RBM20: variants seen among roughly 807,000 people sequenced by gnomAD.
RBM20 encodes the protein RNA-binding protein 20.
Under a neutral mutation model 110.1 loss-of-function variants are expected in RBM20, and 51 were observed. The observed-to-expected ratio is 0.46, with a 90% confidence interval of 0.37 to 0.59. The LOEUF (loss-of-function observed/expected upper bound fraction) is 0.59, where lower values mean the gene tolerates loss of function less well. Among genes scored for constraint, RBM20 ranks in the 20% least tolerant of loss-of-function variants. The pLI is 0.00. For missense variants in RBM20, 1,512 were observed against 1,574.9 expected, an observed-to-expected ratio of 0.96 and a Z score of 0.68; for synonymous variants, 589 against 618.2, an observed-to-expected ratio of 0.95 and a Z score of 0.70.
chr10:110,803,057 T>C (rs985469845), intron 7 of RBM20, among the ~76,000 whole-genome samples: 1 of 152,022 alleles, frequency 6.6e-6, no homozygotes, highest in Non-Finnish European at 1.5e-5. Context: ...ATAATAGCAG[T>C]AATTATAAGA....
chr10:110,711,329 CAAAAAAAAAAAA>C (rs1157753270), intron 1 of RBM20, among the ~76,000 whole-genome samples: 5 of 28,404 alleles, frequency 1.8e-4, no homozygotes, highest in South Asian at 4.1e-3. Context: ...GACTCCATCT[CAAAAAAAAAAAA>C]AAAAAAAAAA....
chr10:110,776,429 C>T (rs1234184529), intron 1 of RBM20, among the ~76,000 whole-genome samples: 11 of 152,214 alleles, frequency 7.2e-5, no homozygotes, highest in Non-Finnish European at 1.2e-4. Context: ...CACTGGACTA[C>T]GGTCAAGGTG....
chr10:110,822,362 G>A (rs1386589147), intron 11 of RBM20: 2 of 452,286 alleles, frequency 4.4e-6, no homozygotes, highest in African/African-American at 4.0e-5. Context: ...GAAGGGGAAG[G>A]AACAGAGGAT....
chr10:110,690,750 A>T (rs1862575578), intron 1 of RBM20, among the ~76,000 whole-genome samples: 1 of 152,242 alleles, frequency 6.6e-6, no homozygotes, highest in African/African-American at 2.4e-5. Context: ...AATAAAATAT[A>T]CTTTGTAAGT....
chr10:110,713,661 G>A (rs1157221785), intron 1 of RBM20, among the ~76,000 whole-genome samples: 1 of 152,192 alleles, frequency 6.6e-6, no homozygotes, highest in Non-Finnish European at 1.5e-5. Flanking sequence ...CTCAGCATTT[G>A]TACAGTGTTT....
intron 1 of RBM20, among the ~76,000 whole-genome samples, chr10:110,672,031 A>G (rs1240659925): frequency 6.7e-6 from 1 of 150,294 alleles, no homozygotes; most frequent in Non-Finnish European, 1.5e-5. Context: ...GGACAAACTT[A>G]GGGGGTATTT....
chr10:110,821,044 C>T (rs528296090), intron 10 of RBM20, among the ~76,000 whole-genome samples: 2 of 152,160 alleles, frequency 1.3e-5, no homozygotes, highest in African/African-American at 4.8e-5. Flanking sequence ...AAATTCTTTG[C>T]GTCACTTTAA....
chr10:110,817,489 T>C (rs1310298062), intron 9 of RBM20, among the ~76,000 whole-genome samples: 1 of 152,202 alleles, frequency 6.6e-6, no homozygotes, highest in East Asian at 1.9e-4. Flanking sequence ...CACCCCCTTC[T>C]ACCAATTTCA....
At chr10:110,664,975 A>C (rs1368219206) in intron 1 of RBM20, among the ~76,000 whole-genome samples, 2 of 151,884 alleles carry the variant, frequency 1.3e-5, no homozygotes, top group Non-Finnish European at 2.9e-5. Context: ...CCCTGGGCTC[A>C]AGCCATCCTC....
rs563546855 is a variant in RBM20, at chr10:110,725,584, G to C, written c.192-55217G>C. On this transcript the variant is annotated intron_variant, in intron 1 of 13. Coordinates refer to ENST00000369519, the MANE Select transcript of RBM20 (RefSeq NM_001134363.3). The stretch of plus-strand genomic sequence containing the variant: ...AAAAGCAAGACAATCTGATTGGCCA[G>C]ATTTGTCTTCTGTTTTGTGTACATG... Among the ~76,000 whole-genome samples, 4 of 152,308 alleles carry C rather than the reference G, an allele frequency of 2.6e-5. No individual in the cohort carries two copies. In the South Asian group the frequency reaches 8.3e-4, roughly 32 times the overall value.
chr10:110,682,824 G>A, intron 1 of RBM20, among the ~76,000 whole-genome samples: 1 of 152,166 alleles, frequency 6.6e-6, no homozygotes, highest in Non-Finnish European at 1.5e-5. Flanking sequence ...ACTTTCACCT[G>A]CTAATTTTGG....
At chr10:110,745,411 G>A (rs1007822987) in intron 1 of RBM20, among the ~76,000 whole-genome samples, 9 of 152,176 alleles carry the variant, frequency 5.9e-5, no homozygotes, top group African/African-American at 2.2e-4. Context: ...CCCCTCCTCT[G>A]TGGCTGGCTG....
chr10:110,749,118 C>G (rs374363369), intron 1 of RBM20, among the ~76,000 whole-genome samples: 1 of 152,172 alleles, frequency 6.6e-6, no homozygotes, highest in East Asian at 1.9e-4. Flanking sequence ...ATAAGAGATG[C>G]TAAATGTCAC....
chr10:110,764,281 A>G (rs1446265235), intron 1 of RBM20, among the ~76,000 whole-genome samples: 1 of 152,130 alleles, frequency 6.6e-6, no homozygotes, highest in African/African-American at 2.4e-5. Context: ...AAGCAAACAA[A>G]CAAACAAACA....
At chr10:110,662,525 A>G (rs1862118912) in intron 1 of RBM20, among the ~76,000 whole-genome samples, 1 of 152,228 alleles carries the variant, frequency 6.6e-6, no homozygotes, top group African/African-American at 2.4e-5. Flanking sequence ...GGAAGGATTA[A>G]AGAAAACTTG....
chr10:110,758,014 CTTTTTTTTT>C (rs760246427), intron 1 of RBM20, among the ~76,000 whole-genome samples: 5 of 79,910 alleles, frequency 6.3e-5, no homozygotes, highest in Non-Finnish European at 8.7e-5. Flanking sequence ...GATCCTTGTT[CTTTTTTTTT>C]TTTTTTTTTT....
intron 1 of RBM20, among the ~76,000 whole-genome samples, chr10:110,727,829 G>T (rs1377813202): frequency 6.6e-6 from 1 of 152,088 alleles, no homozygotes; most frequent in African/African-American, 2.4e-5. Context: ...AGGCCCCAGT[G>T]TGTGGTGTTC....
chr10:110,800,776 T>C (rs1844612000), intron 7 of RBM20, among the ~76,000 whole-genome samples: 1 of 152,258 alleles, frequency 6.6e-6, no homozygotes, highest in South Asian at 2.1e-4. Context: ...TTGAACTTTA[T>C]ATAAATGGAA....
rs1017543429 is a variant in RBM20 at position 110,739,016 on chromosome 10, A to G, written c.192-41785A>G. On this transcript the variant is annotated intron_variant, in intron 1 of 13. Transcript: ENST00000369519. The surrounding 1 kb of genome is among the most constrained non-coding windows in gnomAD (Gnocchi z 4.1). ...TTGAAATGGTCCACAGCTGCTCACA[A>G]TCCTTAAGGGAGTTTATCTGTAACT... Among the ~76,000 whole-genome samples, 1 of 152,122 alleles carries G rather than the reference A, an allele frequency of 6.6e-6. No homozygotes were observed. The highest frequency in any genetic ancestry group is 2.4e-5 in the African/African-American group (1 of 41,402).
Sources: gnomAD v4.1 joint callset for allele counts (sites outside exome capture counted in the v4.1 genomes callset) on GRCh38, gnomAD v4.1.1 for gene constraint, Gnocchi (gnomAD v3.1) non-coding constraint, MANE v1.5 for transcripts, NCBI Gene and HGNC (gene_info 2026-07-23, HGNC 2026-07-21) for gene names.